The following CACNB2 variants were observed in gnomAD, a reference collection of about 807,000 sequenced individuals.
CACNB2 encodes voltage-dependent L-type calcium channel subunit beta-2.
CACNB2 carries 42 observed loss-of-function variants against 73.3 expected under a neutral mutation model. The observed-to-expected ratio is 0.57, with a 90% CI of 0.45 to 0.74. CACNB2 has a LOEUF of 0.74. Among genes scored for constraint, CACNB2 ranks in the 30% least tolerant of loss-of-function variants. The pLI is 0.00. For synonymous variants in CACNB2, 348 were observed against 310.3 expected (o/e 1.12, Z -1.28); for missense variants, 940 against 853.0 (o/e 1.10, Z -1.27).
chr10:18,197,566 A>G (rs754240678), intron 2 of CACNB2, among the ~76,000 whole-genome samples: 1 of 152,182 alleles, frequency 6.6e-6, no homozygotes, highest in Non-Finnish European at 1.5e-5. Flanking sequence ...TTAGGCCACG[A>G]TGACATCCAA....
At chr10:18,247,905 A>G (rs1331176428) in intron 2 of CACNB2, among the ~76,000 whole-genome samples, 2 of 152,206 alleles carry the variant, frequency 1.3e-5, no homozygotes, top group Non-Finnish European at 2.9e-5. Flanking sequence ...AGTAACACAC[A>G]GCTTCCCCTG....
intron 3 of CACNB2, among the ~76,000 whole-genome samples, chr10:18,475,758 G>A (rs2048409767): frequency 6.6e-6 from 1 of 152,184 alleles, no homozygotes; most frequent in Non-Finnish European, 1.5e-5. Flanking sequence ...GCCAGGCACT[G>A]TGCTGAGAGC....
chr10:18,442,892 G>C (rs2046484677), intron 3 of CACNB2, among the ~76,000 whole-genome samples: 2 of 133,616 alleles, frequency 1.5e-5, no homozygotes, highest in Admixed American at 1.6e-4. Flanking sequence ...CATGTTGTTG[G>C]GTCTACATGT....
chr10:18,193,004 C>T (rs969776792), intron 2 of CACNB2, among the ~76,000 whole-genome samples: 7 of 152,038 alleles, frequency 4.6e-5, no homozygotes, highest in Admixed American at 6.6e-5. Context: ...TGGATATATA[C>T]GTAGAAATAG....
chr10:18,384,932 C>T (rs969483977), intron 2 of CACNB2, among the ~76,000 whole-genome samples: 1 of 152,046 alleles, frequency 6.6e-6, no homozygotes, highest in Admixed American at 6.6e-5. Context: ...GTCACTCTGG[C>T]ATTGTGGTTC....
At chr10:18,217,019 T>A (rs1248557765) in intron 2 of CACNB2, among the ~76,000 whole-genome samples, 1 of 152,180 alleles carries the variant, frequency 6.6e-6, no homozygotes, top group Non-Finnish European at 1.5e-5. Flanking sequence ...TTTTATTCAT[T>A]TATCTTTTCA....
chr10:18,500,195 A>G (rs1468480965), intron 4 of CACNB2, among the ~76,000 whole-genome samples: 1 of 152,252 alleles, frequency 6.6e-6, no homozygotes, highest in African/African-American at 2.4e-5. Flanking sequence ...CAGAATGTAT[A>G]TTCTTCTTCG....
chr10:18,264,950 G>A (rs150029100), intron 2 of CACNB2, among the ~76,000 whole-genome samples: 1 of 152,100 alleles, frequency 6.6e-6, no homozygotes, highest in Non-Finnish European at 1.5e-5. Flanking sequence ...AGTAGATGCT[G>A]GTCAGCAGCT....
intron 10 of CACNB2, among the ~76,000 whole-genome samples, chr10:18,533,808 G>C (rs1383573167): frequency 6.6e-6 from 1 of 152,184 alleles, no homozygotes; most frequent in Admixed American, 6.5e-5. Context: ...AATGTCAGCA[G>C]AGAGCTAAAA....
intron 2 of CACNB2, among the ~76,000 whole-genome samples, chr10:18,266,606 G>C (rs1034583793): frequency 6.6e-6 from 1 of 151,910 alleles, no homozygotes; most frequent in African/African-American, 2.4e-5. Context: ...AAGTGTGAGC[G>C]GGCCGGGCAC....
At chr10:18,461,674 G>A (rs1217601540) in intron 3 of CACNB2, among the ~76,000 whole-genome samples, 4 of 151,094 alleles carry the variant, frequency 2.6e-5, no homozygotes, top group South Asian at 4.2e-4. Context: ...CAGGGTTCAC[G>A]CTGCAATGAA....
chr10:18,356,285 T>C (rs761000961), intron 2 of CACNB2, among the ~76,000 whole-genome samples: 5 of 152,202 alleles, frequency 3.3e-5, no homozygotes, highest in Admixed American at 6.5e-5. Flanking sequence ...TCACGCTAGC[T>C]CTGGGCACCA....
chr10:18,453,652 C>T (rs144309742), intron 3 of CACNB2, among the ~76,000 whole-genome samples: 2,160 of 152,302 alleles, frequency 0.014, 73 homozygotes, highest in South Asian at 0.12. Flanking sequence ...TATTTTGAGA[C>T]GGAGTCTCGC....
intron 2 of CACNB2, among the ~76,000 whole-genome samples, chr10:18,311,604 A>C (rs2039967901): frequency 6.6e-6 from 1 of 152,240 alleles, no homozygotes; most frequent in Admixed American, 6.5e-5. Context: ...ATGTTAAAAA[A>C]ATTATAAGTA....
At position 18,522,979 on chromosome 10, in the gene CACNB2, T is replaced by C. The variant is rs180795906; in HGVS notation, c.944+4011T>C. Among the ~76,000 whole-genome samples, 280 of 149,846 alleles carry C rather than the reference T, an allele frequency of 1.9e-3. 1 individual carries two copies. The highest frequency in any genetic ancestry group is 6.8e-3 in the African/African-American group (274 of 40,512). On this transcript the variant is annotated intron_variant, in intron 9 of 13. Coordinates refer to ENST00000324631, the MANE Select transcript of CACNB2 (RefSeq NM_201596.3). ...ACAAAAACTATTATAAGTTTCAAGG[T>C]ATGAAAAGACTTTATAATCAAGGTC...
At chr10:18,369,768 G>A (rs1376221774) in intron 2 of CACNB2, among the ~76,000 whole-genome samples, 8 of 152,068 alleles carry the variant, frequency 5.3e-5, no homozygotes, top group Admixed American at 1.3e-4. Context: ...TTAGCCAGGC[G>A]TGGTGGCACA....
intron 3 of CACNB2, among the ~76,000 whole-genome samples, chr10:18,445,143 A>G (rs1232835026): frequency 1.3e-5 from 2 of 152,152 alleles, no homozygotes; most frequent in Admixed American, 6.5e-5. Context: ...AATACCTGAC[A>G]TGCTAACATT....
chr10:18,485,339 A>T (rs1337976296), intron 3 of CACNB2, among the ~76,000 whole-genome samples: 1 of 152,180 alleles, frequency 6.6e-6, no homozygotes, highest in Non-Finnish European at 1.5e-5. Context: ...TAAATAAAGC[A>T]GATGGCTATG....
chr10:18,196,456 A>G (rs1027814132), intron 2 of CACNB2, among the ~76,000 whole-genome samples: 3 of 151,960 alleles, frequency 2.0e-5, no homozygotes, highest in African/African-American at 7.3e-5. Flanking sequence ...AGCTGGGACT[A>G]CAGGGGTGCT....
Sources: gnomAD v4.1 joint callset for allele counts (sites outside exome capture counted in the v4.1 genomes callset) on GRCh38, gnomAD v4.1.1 for gene constraint, MANE v1.5 for transcripts, NCBI Gene and HGNC (gene_info 2026-07-23, HGNC 2026-07-21) for gene names.